PRPF18: variants seen among roughly 807,000 people sequenced by gnomAD.
The protein encoded by PRPF18 is pre-mRNA processing factor 18, also known as pre-mRNA-splicing factor 18.
Under a neutral mutation model 46.5 loss-of-function variants are expected in PRPF18, and 38 were observed. The observed-to-expected ratio is 0.82, with a 90% confidence interval of 0.63 to 1.07. PRPF18 has a LOEUF of 1.07. Ranked by LOEUF, PRPF18 falls within the 50% of genes least tolerant of loss-of-function variation. The probability of loss-of-function intolerance (pLI) is 0.00; values close to 1 mark genes in which losing one functional copy is unlikely to be tolerated. For synonymous variants in PRPF18, 152 were observed against 146.7 expected (o/e 1.04, Z -0.26); for missense variants, 263 against 410.0 (o/e 0.64, Z 3.10).
the PRPF18 span, chr10:13,653,980 C>G: frequency 8.2e-6 from 2 of 244,052 alleles, no homozygotes; most frequent in Admixed American, 5.0e-5. Flanking sequence ...CTTTTTCTTG[C>G]ACCCTGAGAC....
chr10:13,652,916 A>G, the PRPF18 span: 1 of 152,020 alleles, frequency 6.6e-6, no homozygotes, highest in African/African-American at 2.4e-5. Flanking sequence ...CTTTGGGATC[A>G]CACTTAACTA....
At chr10:13,604,371 G>C (rs2080156116) in intron 3 of PRPF18, among the ~76,000 whole-genome samples, 1 of 152,158 alleles carries the variant, frequency 6.6e-6, no homozygotes, top group Non-Finnish European at 1.5e-5. Context: ...TACATAGCAT[G>C]TATATAAAGT....
the PRPF18 span, chr10:13,637,239 T>A: frequency 6.6e-6 from 1 of 152,238 alleles, no homozygotes; most frequent in African/African-American, 2.4e-5. Context: ...ATTAGAGTTA[T>A]TGTCAAAGAG....
chr10:13,653,642 G>A, the PRPF18 span, among the ~76,000 whole-genome samples: 19 of 152,296 alleles, frequency 1.2e-4, no homozygotes, highest in Non-Finnish European at 2.4e-4. Flanking sequence ...CAGACAAACC[G>A]AGGAAGGGGC....
the PRPF18 span, chr10:13,654,731 C>G: frequency 1.8e-6 from 1 of 569,042 alleles, no homozygotes; most frequent in Non-Finnish European, 3.1e-6. Context: ...CCCACCCATT[C>G]CATTTTCTAC....
chr10:13,619,074 CA>C (rs1029311619), intron 9 of PRPF18, among the ~76,000 whole-genome samples: 2 of 152,168 alleles, frequency 1.3e-5, no homozygotes, highest in South Asian at 2.1e-4. Flanking sequence ...ATGTGCTGTT[CA>C]CAATAGGGTT....
At chr10:13,624,537 C>A (rs1256477723) in intron 9 of PRPF18, among the ~76,000 whole-genome samples, 3 of 152,206 alleles carry the variant, frequency 2.0e-5, no homozygotes, top group Non-Finnish European at 4.4e-5. Flanking sequence ...GGCTCCCCGC[C>A]CTCCTCCCAC....
intron 8 of PRPF18, among the ~76,000 whole-genome samples, chr10:13,616,109 A>G (rs1049954613): frequency 1.3e-5 from 2 of 152,232 alleles, no homozygotes; most frequent in African/African-American, 4.8e-5. Flanking sequence ...GATCTGCAAC[A>G]TATTAATTTC....
At chr10:13,591,928 G>GGTTTTT (rs1564448930) in intron 1 of PRPF18, 6 of 1,011,894 alleles carry the variant, frequency 5.9e-6, no homozygotes, top group Non-Finnish European at 4.1e-6. Context: ...TCAACTGAGG[G>GGTTTTT]TTTTTTTTTT....
At chr10:13,643,582 A>G in the PRPF18 span, 3 of 152,634 alleles carry the variant, frequency 2.0e-5, no homozygotes, top group Admixed American at 6.5e-5. Flanking sequence ...AATGCCATCT[A>G]TAGATTGACT....
intron 9 of PRPF18, among the ~76,000 whole-genome samples, chr10:13,629,290 T>C (rs1275160313): frequency 2.0e-5 from 3 of 152,348 alleles, no homozygotes; most frequent in East Asian, 1.9e-4. Flanking sequence ...TGACTACTTC[T>C]AGTGAATTCT....
the PRPF18 span, chr10:13,649,743 C>T: frequency 2.0e-5 from 3 of 152,156 alleles, no homozygotes; most frequent in African/African-American, 7.2e-5. Flanking sequence ...TAAGCCTTTG[C>T]CTTTCAGTAC....
chr10:13,587,234 T>C, intron 1 of PRPF18, 82 bp downstream of exon 1: 1 of 1,429,964 alleles, frequency 7.0e-7, no homozygotes, highest in Non-Finnish European at 9.8e-7. Context: ...GTGACGATAC[T>C]CAGAGGATTC....
chr10:13,613,834 C>T lies in PRPF18; in HGVS notation c.673C>T (p.Gln225Ter). 3.7e-6 allele frequency: 6 copies of T among 1,614,034 alleles called. No individual in the cohort carries two copies. The highest frequency in any genetic ancestry group is 4.2e-6 in the Non-Finnish European group (5 of 1,179,992). Reference protein sequence around the residue: ...QGKLNSATQKQTESYLRPLFR... With the variant: ...QGKLNSATQK ...TAAACTGAACAGTGCGACCCAGAAACAGACCGAGTCCTACCTAAGACCACT... is the reference window on the plus strand; with the variant it reads ...TAAACTGAACAGTGCGACCCAGAAATAGACCGAGTCCTACCTAAGACCACT... Residue 225 changes from glutamine to a stop codon, truncating the protein, a stop_gained, in exon 7 of 10, where the codon CAG (glutamine) becomes TAG (stop). Transcript: ENST00000378572. LOFTEE classifies it high-confidence loss of function.
At chr10:13,623,938 A>G (rs2080458335) in intron 9 of PRPF18, among the ~76,000 whole-genome samples, 1 of 152,218 alleles carries the variant, frequency 6.6e-6, no homozygotes, top group African/African-American at 2.4e-5. Context: ...TACATAACAT[A>G]AAATTTACCA....
chr10:13,655,707 C>T, the PRPF18 span: 2 of 152,202 alleles, frequency 1.3e-5, no homozygotes, highest in Non-Finnish European at 2.9e-5. Context: ...CTGTTTCCCC[C>T]GATCTTTACC....
intron 1 of PRPF18, chr10:13,591,946 C>A: frequency 8.5e-7 from 1 of 1,170,636 alleles, no homozygotes; most frequent in Non-Finnish European, 1.2e-6. Flanking sequence ...TTTTTTTTGC[C>A]ATGGCTCAAC....
intron 2 of PRPF18, among the ~76,000 whole-genome samples, chr10:13,598,068 C>T (rs1468506541): frequency 1.3e-5 from 2 of 152,070 alleles, no homozygotes; most frequent in East Asian, 3.9e-4. Context: ...TATTTATATG[C>T]CTTTGTTGTA....
At chr10:13,617,116 C>G (rs549052689) in intron 9 of PRPF18, among the ~76,000 whole-genome samples, 13 of 152,190 alleles carry the variant, frequency 8.5e-5, no homozygotes, top group Admixed American at 2.6e-4. Flanking sequence ...TTGGGCTAAA[C>G]TTTTCTCCCT....
Sources: allele counts gnomAD v4.1 joint callset (sites outside exome capture counted in the v4.1 genomes callset), GRCh38; gene constraint gnomAD v4.1.1; transcripts MANE v1.5; gene names NCBI Gene and HGNC (gene_info 2026-07-23, HGNC 2026-07-21).